CAPN8: variants seen among roughly 807,000 people sequenced by gnomAD.
The protein encoded by CAPN8 is calpain-8.
Under a neutral mutation model 80.9 loss-of-function variants are expected in CAPN8, and 87 were observed. That is an observed-to-expected ratio of 1.07 (90% CI 0.90 to 1.28). The LOEUF is 1.28. Ranked by LOEUF, CAPN8 falls within the 50% of genes most tolerant of loss-of-function variation. The probability of loss-of-function intolerance (pLI) is 0.00; values close to 1 mark genes in which losing one functional copy is unlikely to be tolerated. For synonymous variants in CAPN8, 299 were observed against 273.8 expected, an observed-to-expected ratio of 1.09 and a Z score of -0.91; for missense variants, 757 against 702.0, an observed-to-expected ratio of 1.08 and a Z score of -0.89.
intron 1 of CAPN8, among the ~76,000 whole-genome samples, chr1:223,657,115 AGGTTCTCTAGTGAT>A (rs1208146933): frequency 6.6e-6 from 1 of 152,212 alleles, no homozygotes. Flanking sequence ...TTGTAAATAA[AGGTTCTCTAGTGAT>A]GGACCTTTAG....
intron 13 of CAPN8, among the ~76,000 whole-genome samples, chr1:223,555,808 C>T (rs1656893445): frequency 6.6e-6 from 1 of 152,136 alleles, no homozygotes; most frequent in Non-Finnish European, 1.5e-5. Context: ...AAAACGTGTA[C>T]GTGGTTGCAA....
intron 11 of CAPN8, 85 bp from the exon 12 acceptor site, chr1:223,609,449 A>C: frequency 2.5e-6 from 1 of 398,096 alleles, no homozygotes; most frequent in Admixed American, 4.4e-5. Context: ...GTGCTGATTT[A>C]GGAATTATTG....
At chr1:223,643,639 A>G (rs561649252) in intron 2 of CAPN8, among the ~76,000 whole-genome samples, 3 of 152,384 alleles carry the variant, frequency 2.0e-5, no homozygotes, top group Admixed American at 6.5e-5. Context: ...ACTGCAGAGA[A>G]AGCCTTTCAA....
intron 12 of CAPN8, 145 bp from the exon 13 acceptor site, chr1:223,558,312 G>A: frequency 5.1e-6 from 2 of 393,462 alleles, no homozygotes; most frequent in Non-Finnish European, 9.0e-6. Context: ...TGCATAAACA[G>A]AATCTTTAGC....
chr1:223,616,112 C>A lies in CAPN8; in HGVS notation c.1169G>T (p.Arg390Leu), dbSNP rs536121019. 64 of 1,551,648 alleles carry A rather than the reference C, an allele frequency of 4.1e-5. No individual in the cohort carries two copies. The highest frequency in any genetic ancestry group is 5.4e-5 in the Non-Finnish European group (62 of 1,146,924). The change falls in exon 10 of 21, where the codon CGT becomes CTT. Residue 390 changes from arginine to leucine, a missense_variant. Transcript: ENST00000366872. ...CTGGTCCTCATCCACTTCATCCAAA[C>A]GGATTTTGAACTGGGGATTGGTCCA... ...TYWTNPQFKI[R>L]LDEVDEDQEE...
chr1:223,643,474 G>C (rs1377830766), intron 2 of CAPN8, among the ~76,000 whole-genome samples: 1 of 152,232 alleles, frequency 6.6e-6, no homozygotes, highest in Non-Finnish European at 1.5e-5. Flanking sequence ...GGAACCCAGT[G>C]GGGTGTTGTG....
chr1:223,628,163 G>A (rs1282306221), intron 3 of CAPN8, 21 bp from the exon 4 acceptor site: 34 of 1,530,514 alleles, frequency 2.2e-5, no homozygotes, highest in Admixed American at 2.1e-4. Flanking sequence ...GGGACACAGC[G>A]GCTGCTCACA....
At position 223,612,241 on chromosome 1, in the gene CAPN8, C is replaced by CA; in HGVS notation, c.1323+4dup. 8.1e-7 allele frequency: 1 copy of CA among 1,234,340 alleles called. No individual in the cohort carries two copies. Among genetic ancestry groups the CA allele is most frequent in the Non-Finnish European group, 1.0e-6 (1 of 988,128 alleles). 76.5% of individuals were successfully genotyped at this position (1,234,340 alleles called of 1,614,324 possible). A position where few individuals can be genotyped will look rare whatever the true frequency, so the allele number is the denominator to read the frequency against. On this transcript the variant is annotated splice_donor_region_variant and intron_variant, in intron 11 of 20. Transcript: ENST00000366872. ...AGGAAGGAATCTCTGTCAGCACTCA[C>CA]ATACCTCCTTGGGAACCTGTGGGGC...
At chr1:223,551,141 T>G (rs1656776808) in intron 14 of CAPN8, 124 bp from the exon 15 acceptor site, 1 of 600,790 alleles carries the variant, frequency 1.7e-6, no homozygotes, top group African/African-American at 1.9e-5. Flanking sequence ...GGTTTATTTG[T>G]TTTTGTTTTT....
intron 10 of CAPN8, among the ~76,000 whole-genome samples, chr1:223,615,575 A>T (rs1389917231): frequency 6.6e-6 from 1 of 152,144 alleles, no homozygotes; most frequent in African/African-American, 2.4e-5. Flanking sequence ...TGGCTCCCAT[A>T]TCCAGCCTCC....
At chr1:223,619,169 G>T in intron 9 of CAPN8, 124 bp downstream of exon 9, 1 of 1,162,560 alleles carries the variant, frequency 8.6e-7, no homozygotes, top group Non-Finnish European at 1.2e-6. Flanking sequence ...ACTCCAACCT[G>T]GGGAACAGAG....
At chr1:223,609,096 T>C in intron 12 of CAPN8, 57 bp downstream of exon 12, 3 of 397,740 alleles carry the variant, frequency 7.5e-6, no homozygotes, top group Non-Finnish European at 8.9e-6. Flanking sequence ...CATGGGGCCA[T>C]TTCCCTTCGT....
At chr1:223,542,628 G>T (rs563716382) in intron 20 of CAPN8, among the ~76,000 whole-genome samples, 3 of 152,140 alleles carry the variant, frequency 2.0e-5, no homozygotes, top group Admixed American at 2.0e-4. Flanking sequence ...GGCCTCTGTC[G>T]TACAGGGGTG....
chr1:223,632,807 C>A (rs1158801667), intron 2 of CAPN8, among the ~76,000 whole-genome samples: 1 of 152,212 alleles, frequency 6.6e-6, no homozygotes, highest in East Asian at 1.9e-4. Context: ...TAGGGCTGCT[C>A]AGGAGTTAGT....
In CAPN8 at chr1:223,554,575, G is replaced by A. The variant is rs1409444066; in HGVS notation, c.1573-675C>T. 4.6e-5 allele frequency among the ~76,000 whole-genome samples: 7 copies of A among 151,082 alleles called. No homozygotes were observed. The East Asian group carries it at 7.7e-4, about 17-fold the overall frequency. On this transcript the variant is annotated intron_variant, in intron 13 of 20. Coordinates refer to ENST00000366872, the MANE Select transcript of CAPN8 (RefSeq NM_001143962.2). ...TGTATTCCAGCCTGGGTGATAAAGC[G>A]AGACCTTATATCAGAAAAAAAAAAC...
intron 10 of CAPN8, 51 bp from the exon 11 acceptor site, chr1:223,612,308 T>C: frequency 8.1e-7 from 1 of 1,233,012 alleles, no homozygotes; most frequent in African/African-American, 1.5e-5. Flanking sequence ...AAGGTCCTCC[T>C]TCTGCTCCTT....
intron 2 of CAPN8, among the ~76,000 whole-genome samples, chr1:223,639,246 T>C (rs1558351517): frequency 6.6e-6 from 1 of 151,772 alleles, no homozygotes; most frequent in Non-Finnish European, 1.5e-5. Context: ...TCTCAAAAAA[T>C]AAAAAAATAA....
At chr1:223,642,036 C>T (rs1658056706) in intron 2 of CAPN8, among the ~76,000 whole-genome samples, 1 of 152,148 alleles carries the variant, frequency 6.6e-6, no homozygotes, top group Non-Finnish European at 1.5e-5. Flanking sequence ...GCACACCTTA[C>T]TAGAACATCG....
intron 2 of CAPN8, among the ~76,000 whole-genome samples, chr1:223,639,755 C>T (rs573888081): frequency 2.6e-5 from 4 of 152,340 alleles, no homozygotes; most frequent in Admixed American, 2.6e-4. Context: ...TTTCCTTTAA[C>T]ATTTCCTGTA....
Sources: gnomAD v4.1 joint callset for allele counts (sites outside exome capture counted in the v4.1 genomes callset) on GRCh38, gnomAD v4.1.1 for gene constraint, MANE v1.5 for transcripts, NCBI Gene and HGNC (gene_info 2026-07-23, HGNC 2026-07-21) for gene names.